Variants in VTI1A observed in about 807,000 individuals in gnomAD.
VTI1A encodes vesicle transport through interaction with t-SNAREs homolog 1A.
A neutral mutation model predicts 34.9 loss-of-function variants in VTI1A; 22 were observed. The ratio of observed to expected loss-of-function variants is 0.63; its 90% CI spans 0.45 to 0.90. VTI1A has a LOEUF of 0.90. VTI1A is among the 40% of genes least tolerant of loss of function. VTI1A has a pLI of 0.00. For missense variants in VTI1A, 268 were observed against 275.6 expected (o/e 0.97, Z 0.20); for synonymous variants, 87 against 97.3 (o/e 0.89, Z 0.62).
intron 5 of VTI1A, among the ~76,000 whole-genome samples, chr10:112,574,063 T>G (rs1564833044): frequency 6.6e-6 from 1 of 152,320 alleles, no homozygotes; most frequent in East Asian, 1.9e-4. Context: ...TTCCATTTTT[T>G]TCTAAATTAC....
At chr10:112,763,265 C>G (rs1305851596) in intron 7 of VTI1A, among the ~76,000 whole-genome samples, 1 of 151,954 alleles carries the variant, frequency 6.6e-6, no homozygotes, top group African/African-American at 2.4e-5. Flanking sequence ...ACGGTGAAAC[C>G]CTGTCTGTAC....
chr10:112,625,113 G>T (rs1450062641), intron 5 of VTI1A, among the ~76,000 whole-genome samples: 2 of 152,254 alleles, frequency 1.3e-5, no homozygotes, highest in Admixed American at 6.5e-5. Context: ...AATAAAAAAA[G>T]TATTTTGTAA....
intron 7 of VTI1A, among the ~76,000 whole-genome samples, chr10:112,687,257 G>A (rs1445865781): frequency 2.8e-5 from 3 of 107,314 alleles, no homozygotes; most frequent in Middle Eastern, 6.9e-3. Context: ...TTTTTGAGAC[G>A]GAGTTTTGCT....
intron 5 of VTI1A, among the ~76,000 whole-genome samples, chr10:112,566,869 A>G (rs1851921994): frequency 1.3e-5 from 2 of 152,128 alleles, no homozygotes; most frequent in Non-Finnish European, 2.9e-5. Flanking sequence ...TGTGTGGGGC[A>G]TGGGGGTCTT....
At chr10:112,536,590 T>A (rs1021945185) in intron 4 of VTI1A, among the ~76,000 whole-genome samples, 5 of 150,914 alleles carry the variant, frequency 3.3e-5, no homozygotes, top group South Asian at 4.2e-4. Context: ...ATATTTATAT[T>A]TTTTTTTTGC....
the VTI1A span, among the ~76,000 whole-genome samples, chr10:112,845,264 G>C: frequency 1.3e-5 from 2 of 152,172 alleles, no homozygotes; most frequent in African/African-American, 4.8e-5. Context: ...GCACAAGTTG[G>C]GGCAGGACGG....
At chr10:112,665,759 TAAGAGC>T (rs1847621112) in intron 5 of VTI1A, among the ~76,000 whole-genome samples, 1 of 152,190 alleles carries the variant, frequency 6.6e-6, no homozygotes, top group South Asian at 2.1e-4. Context: ...GGATGGGCTT[TAAGAGC>T]AAGAATAGGT....
chr10:112,475,707 C>T (rs1848254434), intron 3 of VTI1A, among the ~76,000 whole-genome samples: 2 of 152,116 alleles, frequency 1.3e-5, no homozygotes, highest in African/African-American at 4.8e-5. Flanking sequence ...TGACTTTGAT[C>T]TTACCTAGGA....
intron 7 of VTI1A, among the ~76,000 whole-genome samples, 175 bp downstream of exon 7, chr10:112,669,173 A>ACATACTAAC (rs1847755702): frequency 6.6e-6 from 1 of 152,196 alleles, no homozygotes. Context: ...GGACAGGGAC[A>ACATACTAAC]CATACTAACA....
Position 112,645,942 on chromosome 10 carries a change from G to GTTT in VTI1A, c.428-22262_428-22260dup, listed in dbSNP as rs71035394. On this transcript the variant is annotated intron_variant, in intron 5 of 7. Coordinates refer to ENST00000393077, the MANE Select transcript of VTI1A (RefSeq NM_145206.4). ...AAAAGAAAGAACACCAATATACTGT[G>GTTT]TTTTTTTTTTTTTTTTGGTTACCTG... Among the ~76,000 whole-genome samples, 1,233 of 137,246 alleles carry GTTT rather than the reference G, an allele frequency of 9.0e-3. 25 individuals carry two copies. The highest frequency in any genetic ancestry group is 0.013 in the Non-Finnish European group (817 of 64,792). 90.0% of individuals were successfully genotyped at this position (137,246 alleles called of 152,430 possible). A position where few individuals can be genotyped will look rare whatever the true frequency, so the allele number is the denominator to read the frequency against.
intron 3 of VTI1A, among the ~76,000 whole-genome samples, chr10:112,478,935 G>T (rs546169470): frequency 1.3e-5 from 2 of 152,096 alleles, no homozygotes; most frequent in Non-Finnish European, 2.9e-5. Flanking sequence ...TTGGGAGGCC[G>T]AGACGGGCGG....
At chr10:112,713,031 C>A (rs1426443926) in intron 7 of VTI1A, among the ~76,000 whole-genome samples, 1 of 152,108 alleles carries the variant, frequency 6.6e-6, no homozygotes. Context: ...ATATAGGACC[C>A]CGTTCTAGCT....
At chr10:112,527,066 C>T (rs372369613) in intron 3 of VTI1A, 21 bp from the exon 4 acceptor site, 1 of 1,610,508 alleles carries the variant, frequency 6.2e-7, no homozygotes, top group Non-Finnish European at 8.5e-7. Flanking sequence ...TCACTCTCTC[C>T]CTTTTTGTTT....
At chr10:112,846,326 A>C in the VTI1A span, among the ~76,000 whole-genome samples, 1 of 152,350 alleles carries the variant, frequency 6.6e-6, no homozygotes, top group Non-Finnish European at 1.5e-5. Flanking sequence ...GGAGTGGCTG[A>C]TGTGTGCACA....
intron 3 of VTI1A, among the ~76,000 whole-genome samples, chr10:112,496,199 C>CCG (rs1554888963): frequency 8.6e-6 from 1 of 116,362 alleles, no homozygotes; most frequent in African/African-American, 3.2e-5. Context: ...CCCCCCCCCC[C>CCG]CCGCCGTCTC....
At chr10:112,496,827 AT>A (rs1589830792) in intron 3 of VTI1A, among the ~76,000 whole-genome samples, 1 of 152,282 alleles carries the variant, frequency 6.6e-6, no homozygotes, top group East Asian at 1.9e-4. Context: ...ACTTAAAAGT[AT>A]TTTTCAGCAG....
chr10:112,448,301 C>G (rs894650589), intron 1 of VTI1A: 1 of 151,868 alleles, frequency 6.6e-6, no homozygotes, highest in African/African-American at 2.4e-5. Flanking sequence ...AAACTTGGTA[C>G]AAGATAATTT....
intron 3 of VTI1A, among the ~76,000 whole-genome samples, chr10:112,500,077 C>A (rs1035659823): frequency 7.9e-5 from 12 of 152,184 alleles, no homozygotes; most frequent in African/African-American, 2.9e-4. Flanking sequence ...AAGCCTCAGT[C>A]TACCAGTTAA....
chr10:112,626,583 A>C (rs577554192), intron 5 of VTI1A, among the ~76,000 whole-genome samples: 17 of 152,254 alleles, frequency 1.1e-4, no homozygotes, highest in Non-Finnish European at 1.9e-4. Context: ...TATTTGCAAA[A>C]AAAAAAGAAA....
Sources: allele counts gnomAD v4.1 joint callset (sites outside exome capture counted in the v4.1 genomes callset), GRCh38; gene constraint gnomAD v4.1.1; transcripts MANE v1.5; gene names NCBI Gene and HGNC (gene_info 2026-07-23, HGNC 2026-07-21).